The following MALRD1 variants were observed in gnomAD, a reference collection of about 807,000 sequenced individuals.
MALRD1 encodes the protein MAM and LDL-receptor class A domain-containing protein 1.
MALRD1 carries 247 observed loss-of-function variants against 242.1 expected under a neutral mutation model. That is an observed-to-expected ratio of 1.02 (90% CI 0.92 to 1.13). The LOEUF (loss-of-function observed/expected upper bound fraction) is 1.13. MALRD1 is among the 50% of genes most tolerant of loss of function. MALRD1 has a pLI of 0.00. For synonymous variants in MALRD1, 995 were observed against 866.6 expected (o/e 1.15, Z -2.60); for missense variants, 2,989 against 2,533.1 (o/e 1.18, Z -3.86).
At chr10:19,665,077 T>A (rs1466810546) in intron 36 of MALRD1, among the ~76,000 whole-genome samples, 1 of 152,098 alleles carries the variant, frequency 6.6e-6, no homozygotes, top group Non-Finnish European at 1.5e-5. Context: ...CTCTGCAAAT[T>A]AGACTGACAA....
At chr10:19,479,023 A>T (rs1836866836) in intron 29 of MALRD1, among the ~76,000 whole-genome samples, 1 of 152,220 alleles carries the variant, frequency 6.6e-6, no homozygotes, top group Admixed American at 6.5e-5. Flanking sequence ...TCAAATAGCC[A>T]CCTATTCTCA....
intron 32 of MALRD1, among the ~76,000 whole-genome samples, chr10:19,532,913 G>A (rs1314584314): frequency 6.6e-6 from 1 of 152,162 alleles, no homozygotes; most frequent in Non-Finnish European, 1.5e-5. Context: ...TATTGCTTAT[G>A]CTAAATTTTA....
intron 4 of MALRD1, among the ~76,000 whole-genome samples, chr10:19,094,333 C>T (rs1425883745): frequency 6.7e-5 from 8 of 118,708 alleles, no homozygotes; most frequent in Admixed American, 3.5e-4. Context: ...GCGCAATATT[C>T]GGGTGGGAGT....
At chr10:19,452,333 A>G (rs1426560509) in intron 29 of MALRD1, among the ~76,000 whole-genome samples, 1 of 152,154 alleles carries the variant, frequency 6.6e-6, no homozygotes, top group African/African-American at 2.4e-5. Flanking sequence ...GTGAGAGTTT[A>G]CGTGATTACA....
chr10:19,374,417 C>G (rs953488561), intron 26 of MALRD1, among the ~76,000 whole-genome samples: 1 of 152,076 alleles, frequency 6.6e-6, no homozygotes, highest in Admixed American at 6.6e-5. Context: ...TGATATAAAG[C>G]CCAGTAGCAT....
upstream of MALRD1, among the ~76,000 whole-genome samples, chr10:19,047,649 C>T (rs1834370828): frequency 6.6e-6 from 1 of 152,018 alleles, no homozygotes; most frequent in Non-Finnish European, 1.5e-5. Context: ...ATATATGAAA[C>T]AGGGCTGAAG....
chr10:19,606,438 G>A (rs1182875986), intron 34 of MALRD1, among the ~76,000 whole-genome samples: 1 of 152,164 alleles, frequency 6.6e-6, no homozygotes, highest in Non-Finnish European at 1.5e-5. Flanking sequence ...TTAAGTGCAA[G>A]ACAGTTCTGA....
At chr10:19,520,675 G>T (rs543365405) in intron 31 of MALRD1, among the ~76,000 whole-genome samples, 1 of 151,238 alleles carries the variant, frequency 6.6e-6, no homozygotes, top group East Asian at 1.9e-4. Context: ...CATAGTGAGT[G>T]TTTAGGTTAG....
intron 21 of MALRD1, among the ~76,000 whole-genome samples, chr10:19,287,958 G>A (rs1348499326): frequency 3.9e-5 from 6 of 152,046 alleles, no homozygotes; most frequent in African/African-American, 7.2e-5. Context: ...GAGAAAGAAT[G>A]TGTTGGTACT....
At position 19,540,909 on chromosome 10, in the gene MALRD1, A is replaced by G. The variant is rs576990333; in HGVS notation, c.5478+9558A>G. Reference sequence around the variant, plus strand: ...GCAGGAGGATTGCTTGATGCCAGGAATTTGAGACCAGCCTGGGCAACATGG... The same window carrying G: ...GCAGGAGGATTGCTTGATGCCAGGAGTTTGAGACCAGCCTGGGCAACATGG... On this transcript the variant is annotated intron_variant, in intron 32 of 39. Transcript: ENST00000454679. Among the ~76,000 whole-genome samples, 44 of 152,272 alleles carry G rather than the reference A, an allele frequency of 2.9e-4. No homozygotes were observed. In the South Asian group the frequency reaches 8.3e-3, roughly 29 times the overall value.
intron 33 of MALRD1, among the ~76,000 whole-genome samples, chr10:19,592,789 A>ACC (rs1336382775): frequency 1.3e-5 from 2 of 150,444 alleles, no homozygotes; most frequent in African/African-American, 2.4e-5. Flanking sequence ...ACACACACAC[A>ACC]CCATTCTGAA....
chr10:19,656,243 C>T (rs72782166), intron 36 of MALRD1, among the ~76,000 whole-genome samples: 1 of 152,098 alleles, frequency 6.6e-6, no homozygotes, highest in Non-Finnish European at 1.5e-5. Flanking sequence ...TTAGAGACTC[C>T]AAGCCATTCT....
At chr10:19,063,334 G>T (rs528277150) in intron 1 of MALRD1, among the ~76,000 whole-genome samples, 1 of 152,208 alleles carries the variant, frequency 6.6e-6, no homozygotes, top group African/African-American at 2.4e-5. Flanking sequence ...TCCCTTGCTA[G>T]ATTTTTCATA....
At chr10:19,141,035 T>C (rs1350181364) in intron 10 of MALRD1, among the ~76,000 whole-genome samples, 1 of 152,198 alleles carries the variant, frequency 6.6e-6, no homozygotes, top group Non-Finnish European at 1.5e-5. Context: ...ATCAAAACAT[T>C]ACATTGCGTA....
At chr10:19,707,071 A>T (rs990890939) in intron 38 of MALRD1, among the ~76,000 whole-genome samples, 1 of 118,580 alleles carries the variant, frequency 8.4e-6, no homozygotes, top group African/African-American at 3.4e-5. Flanking sequence ...CCTTTCTTCT[A>T]CTTCTCCCTT....
At position 19,318,363 on chromosome 10, in the gene MALRD1, CT is replaced by C. The variant is rs754746860; in HGVS notation, c.3420-5576del. On this transcript the variant is annotated intron_variant, in intron 21 of 39. Coordinates refer to ENST00000454679, the MANE Select transcript of MALRD1 (RefSeq NM_001142308.3). Reference sequence around the variant, plus strand: ...TCAAATTGATCTCCTGACATATCTCCTTTTTTTTTTCTTTTCCCTGCAGGTG... The same window carrying C: ...TCAAATTGATCTCCTGACATATCTCCTTTTTTTTTCTTTTCCCTGCAGGTG... Among the ~76,000 whole-genome samples the C allele has an allele frequency of 1.8e-3, 270 of 148,278 alleles. 1 individual carries two copies. Among genetic ancestry groups the C allele is most frequent in the Admixed American group, 3.2e-3 (47 of 14,762 alleles).
Position 19,351,076 on chromosome 10 carries a change from T to C in MALRD1, c.4150-930T>C, listed in dbSNP as rs537485620. Among the ~76,000 whole-genome samples, 9 of 152,344 alleles carry C rather than the reference T, an allele frequency of 5.9e-5. No homozygotes were observed. The South Asian group carries it at 1.9e-3, about 32-fold the overall frequency. On this transcript the variant is annotated intron_variant, in intron 25 of 39. Coordinates refer to ENST00000454679, the MANE Select transcript of MALRD1 (RefSeq NM_001142308.3). ...TGGCTCACCCATTCTTGGTTGATCC[T>C]TTTTGAATTAATGCACTGCATATAT... is the stretch of plus-strand genomic sequence containing the variant.
chr10:19,075,276 A>G (rs1171742186), intron 2 of MALRD1, among the ~76,000 whole-genome samples: 3 of 152,050 alleles, frequency 2.0e-5, no homozygotes, highest in African/African-American at 4.8e-5. Flanking sequence ...TTATTCAATC[A>G]AAGACTAATC....
intron 28 of MALRD1, among the ~76,000 whole-genome samples, chr10:19,418,346 A>T (rs1230588474): frequency 1.3e-5 from 2 of 152,136 alleles, no homozygotes; most frequent in African/African-American, 4.8e-5. Flanking sequence ...AATAATTTTA[A>T]AAAAAGATTA....
Sources: allele counts gnomAD v4.1 joint callset (sites outside exome capture counted in the v4.1 genomes callset), GRCh38; gene constraint gnomAD v4.1.1; transcripts MANE v1.5; gene names NCBI Gene and HGNC (gene_info 2026-07-23, HGNC 2026-07-21).